SEMA6D: variants seen among roughly 807,000 people sequenced by gnomAD.
The protein encoded by SEMA6D is semaphorin-6D.
SEMA6D carries 35 observed loss-of-function variants against 106.6 expected under a neutral mutation model. That is an observed-to-expected ratio of 0.33 (90% CI 0.25 to 0.44). The LOEUF (loss-of-function observed/expected upper bound fraction) is 0.44. SEMA6D is among the 20% of genes least tolerant of loss of function. SEMA6D has a pLI of 1.00. For missense variants in SEMA6D, 1,185 were observed against 1,345.9 expected (o/e 0.88, Z 1.87); for synonymous variants, 499 against 487.7 (o/e 1.02, Z -0.31).
intron 3 of SEMA6D, among the ~76,000 whole-genome samples, chr15:47,523,092 TC>T (rs2044640241): frequency 6.6e-6 from 1 of 152,184 alleles, no homozygotes; most frequent in Non-Finnish European, 1.5e-5. Flanking sequence ...ACTCCTCCCA[TC>T]TTCCATCTGC....
At chr15:47,302,362 T>C (rs979827262) in intron 1 of SEMA6D, among the ~76,000 whole-genome samples, 4 of 152,200 alleles carry the variant, frequency 2.6e-5, no homozygotes, top group Non-Finnish European at 4.4e-5. Flanking sequence ...ACTTTTCTTA[T>C]ACAATTTAGA....
intron 1 of SEMA6D, among the ~76,000 whole-genome samples, chr15:47,259,338 A>G (rs979491793): frequency 6.6e-6 from 1 of 152,198 alleles, no homozygotes; most frequent in Admixed American, 6.5e-5. Flanking sequence ...CGAGTCTTTA[A>G]GGATATGTCT....
At chr15:47,601,342 A>T (rs555965409) in intron 4 of SEMA6D, among the ~76,000 whole-genome samples, 6 of 152,242 alleles carry the variant, frequency 3.9e-5, no homozygotes, top group African/African-American at 1.4e-4. Context: ...TTCCTGTCCA[A>T]CTCTAGCAGG....
chr15:47,610,689 T>C (rs771808815), intron 4 of SEMA6D, among the ~76,000 whole-genome samples: 1 of 152,178 alleles, frequency 6.6e-6, no homozygotes, highest in Non-Finnish European at 1.5e-5. Context: ...ATTTTTCTTT[T>C]CCAAATTCTT....
At chr15:47,601,036 C>T (rs950384457) in intron 4 of SEMA6D, 8 of 151,620 alleles carry the variant, frequency 5.3e-5, no homozygotes, top group African/African-American at 1.5e-4. Context: ...GTTAGTGATT[C>T]GAGCATGCTA....
intron 3 of SEMA6D, among the ~76,000 whole-genome samples, chr15:47,526,344 G>A (rs1307376541): frequency 2.0e-5 from 3 of 152,150 alleles, no homozygotes; most frequent in African/African-American, 7.2e-5. Context: ...AGCTGGAAAG[G>A]GGGGTCCTTT....
chr15:47,763,431 G>A (rs1325293766), intron 9 of SEMA6D, among the ~76,000 whole-genome samples: 1 of 152,064 alleles, frequency 6.6e-6, no homozygotes, highest in Non-Finnish European at 1.5e-5. Flanking sequence ...CTTTCTCAGC[G>A]TCAAAAGACA....
At chr15:47,508,771 G>A (rs768551062) in intron 3 of SEMA6D, among the ~76,000 whole-genome samples, 8 of 152,198 alleles carry the variant, frequency 5.3e-5, no homozygotes, top group Non-Finnish European at 5.9e-5. Context: ...TGGCCTTTCT[G>A]AGTTCAAATA....
chr15:47,485,092 A>G (rs762649197), intron 3 of SEMA6D, among the ~76,000 whole-genome samples: 1 of 152,208 alleles, frequency 6.6e-6, no homozygotes, highest in Non-Finnish European at 1.5e-5. Flanking sequence ...ATTGGCATTT[A>G]TGTGTATGTG....
chr15:47,224,666 A>G (rs980841346), intron 1 of SEMA6D, among the ~76,000 whole-genome samples: 3 of 152,110 alleles, frequency 2.0e-5, no homozygotes, highest in Admixed American at 6.6e-5. Context: ...TAGATGCTCA[A>G]TAAATATTTG....
At chr15:47,366,538 G>T (rs2039037406) in intron 1 of SEMA6D, among the ~76,000 whole-genome samples, 1 of 152,206 alleles carries the variant, frequency 6.6e-6, no homozygotes, top group African/African-American at 2.4e-5. Flanking sequence ...TATATTTGAG[G>T]TATGCATAGA....
chr15:47,289,059 C>T (rs1372829642), intron 1 of SEMA6D, among the ~76,000 whole-genome samples: 1 of 152,032 alleles, frequency 6.6e-6, no homozygotes, highest in Non-Finnish European at 1.5e-5. Flanking sequence ...AAATGAGACT[C>T]AAATGTCAGA....
intron 4 of SEMA6D, among the ~76,000 whole-genome samples, chr15:47,615,957 C>T (rs950353960): frequency 6.6e-6 from 1 of 152,174 alleles, no homozygotes; most frequent in Non-Finnish European, 1.5e-5. Flanking sequence ...CTGGGAAACT[C>T]CTAACACATG....
chr15:47,555,535 G>A (rs1566886023), intron 3 of SEMA6D, among the ~76,000 whole-genome samples: 3 of 152,110 alleles, frequency 2.0e-5, no homozygotes, highest in South Asian at 4.1e-4. Flanking sequence ...AGTAGGGTGG[G>A]AACATTATGT....
chr15:47,284,751 G>A (rs892792790), intron 1 of SEMA6D, among the ~76,000 whole-genome samples: 2 of 152,128 alleles, frequency 1.3e-5, no homozygotes, highest in East Asian at 3.8e-4. Context: ...AATGGGACAA[G>A]GTTTCTTAAA....
At chr15:47,529,020 TAAG>T (rs1338228687) in intron 3 of SEMA6D, among the ~76,000 whole-genome samples, 1 of 152,180 alleles carries the variant, frequency 6.6e-6, no homozygotes, top group African/African-American at 2.4e-5. Context: ...TAAAAAATAA[TAAG>T]GGTGAGAAAA....
intron 2 of SEMA6D, among the ~76,000 whole-genome samples, chr15:47,434,204 G>C (rs185854534): frequency 2.6e-5 from 4 of 152,158 alleles, no homozygotes; most frequent in African/African-American, 9.6e-5. Context: ...TGGAGGCTGA[G>C]GGAGAAAGGG....
intron 1 of SEMA6D, among the ~76,000 whole-genome samples, chr15:47,285,508 A>T (rs932256342): frequency 4.6e-5 from 7 of 152,182 alleles, no homozygotes; most frequent in African/African-American, 1.7e-4. Context: ...GAAAGTAATA[A>T]GTGACCCTAC....
intron 3 of SEMA6D, among the ~76,000 whole-genome samples, chr15:47,591,792 A>G (rs2076445104): frequency 6.6e-6 from 1 of 152,228 alleles, no homozygotes; most frequent in African/African-American, 2.4e-5. Context: ...GGATGTTGAG[A>G]GAATTTTCAT....
Sources: allele counts gnomAD v4.1 joint callset (sites outside exome capture counted in the v4.1 genomes callset), GRCh38; gene constraint gnomAD v4.1.1; transcripts MANE v1.5; gene names NCBI Gene and HGNC (gene_info 2026-07-23, HGNC 2026-07-21).